Variants in LPP observed in about 807,000 individuals in gnomAD.
LPP encodes lipoma-preferred partner.
LPP carries 38 observed loss-of-function variants against 60.4 expected under a neutral mutation model. That is an observed-to-expected ratio of 0.63 (90% confidence interval 0.49 to 0.83). The LOEUF (loss-of-function observed/expected upper bound fraction) is 0.83, where lower values mean the gene tolerates loss of function less well. Ranked by LOEUF, LPP falls within the 40% of genes least tolerant of loss-of-function variation. The pLI is 0.00. For missense variants in LPP, 902 were observed against 783.6 expected, an observed-to-expected ratio of 1.15 and a Z score of -1.80; for synonymous variants, 328 against 290.8, an observed-to-expected ratio of 1.13 and a Z score of -1.30.
intron 6 of LPP, among the ~76,000 whole-genome samples, chr3:188,582,620 T>C (rs1836515868): frequency 6.6e-6 from 1 of 152,186 alleles, no homozygotes; most frequent in Non-Finnish European, 1.5e-5. Flanking sequence ...TGATATAAAT[T>C]TGTTTCAGTA....
chr3:188,738,199 T>C (rs960801577), intron 8 of LPP, among the ~76,000 whole-genome samples: 1 of 151,776 alleles, frequency 6.6e-6, no homozygotes, highest in African/African-American at 2.4e-5. Context: ...CCCGAAAGTG[T>C]TTTTTTTCAA....
intron 7 of LPP, among the ~76,000 whole-genome samples, chr3:188,691,633 C>G (rs1862147765): frequency 6.6e-6 from 1 of 152,140 alleles, no homozygotes; most frequent in Non-Finnish European, 1.5e-5. Flanking sequence ...GATGATTGCG[C>G]CCACTTGAGG....
intron 4 of LPP, among the ~76,000 whole-genome samples, chr3:188,435,511 TG>T (rs1209034431): frequency 3.3e-5 from 5 of 152,112 alleles, no homozygotes; most frequent in African/African-American, 1.2e-4. Context: ...GTTTCTCTGT[TG>T]GGGGGAGGGG....
At chr3:188,667,537 C>T (rs1856063758) in intron 7 of LPP, among the ~76,000 whole-genome samples, 1 of 151,360 alleles carries the variant, frequency 6.6e-6, no homozygotes, top group Non-Finnish European at 1.5e-5. Flanking sequence ...CAGCTCCCAC[C>T]CCAGCAACTC....
chr3:188,491,598 T>C (rs1808402556), intron 5 of LPP, among the ~76,000 whole-genome samples: 1 of 152,170 alleles, frequency 6.6e-6, no homozygotes, highest in Non-Finnish European at 1.5e-5. Flanking sequence ...AGCAGCAGCT[T>C]GCTTTGCAAT....
intron 4 of LPP, among the ~76,000 whole-genome samples, chr3:188,432,442 T>A (rs1035647250): frequency 6.6e-6 from 1 of 152,156 alleles, no homozygotes; most frequent in East Asian, 1.9e-4. Flanking sequence ...TTAATAGAAA[T>A]CAGAGTATTA....
intron 9 of LPP, among the ~76,000 whole-genome samples, chr3:188,848,016 A>G (rs1006278772): frequency 7.9e-5 from 12 of 152,202 alleles, no homozygotes; most frequent in Non-Finnish European, 1.5e-4. Context: ...CCCTGACGGT[A>G]AGCATCTCCT....
At chr3:188,592,557 G>GTTGTTTTTTTTTTTTTTTTTT (rs1553936334) in intron 6 of LPP, among the ~76,000 whole-genome samples, 2 of 85,754 alleles carry the variant, frequency 2.3e-5, no homozygotes, top group Non-Finnish European at 2.3e-5. Context: ...TTTTGTTTTT[G>GTTGTTTTTTTTTTTTTTTTTT]TTTTTTAAAT....
intron 4 of LPP, among the ~76,000 whole-genome samples, chr3:188,447,975 G>T (rs1795669675): frequency 1.3e-5 from 2 of 152,196 alleles, no homozygotes; most frequent in Admixed American, 1.3e-4. Flanking sequence ...CCACATAGAA[G>T]AGTAGATTGG....
At chr3:188,636,783 C>G (rs1170153382) in intron 7 of LPP, among the ~76,000 whole-genome samples, 4 of 151,890 alleles carry the variant, frequency 2.6e-5, no homozygotes, top group Non-Finnish European at 5.9e-5. Context: ...GGGAGGCACC[C>G]CCCTGCAGGG....
At chr3:188,158,184 C>G (rs76964045) in intron 1 of LPP, among the ~76,000 whole-genome samples, 2,990 of 151,806 alleles carry the variant, frequency 0.02, 46 homozygotes, top group South Asian at 0.034. Flanking sequence ...CCCTGGGCCG[C>G]GATTAGAGGA....
intron 2 of LPP, among the ~76,000 whole-genome samples, chr3:188,238,739 C>T (rs1722782580): frequency 6.6e-6 from 1 of 152,072 alleles, no homozygotes; most frequent in African/African-American, 2.4e-5. Flanking sequence ...GATCACAGAT[C>T]ACCATAATAC....
At chr3:188,355,486 C>T (rs1246511811) in intron 3 of LPP, among the ~76,000 whole-genome samples, 1 of 152,148 alleles carries the variant, frequency 6.6e-6, no homozygotes, top group East Asian at 1.9e-4. Context: ...GAAAGTCCAT[C>T]TGCCTACTTG....
At chr3:188,724,600 A>G (rs1265313132) in intron 8 of LPP, among the ~76,000 whole-genome samples, 1 of 152,082 alleles carries the variant, frequency 6.6e-6, no homozygotes, top group Non-Finnish European at 1.5e-5. Flanking sequence ...ACAAAAGGCG[A>G]TTTCTGACCG....
chr3:188,652,156 C>T (rs963343342), intron 7 of LPP, among the ~76,000 whole-genome samples: 4 of 152,116 alleles, frequency 2.6e-5, no homozygotes, highest in South Asian at 4.1e-4. Flanking sequence ...TTGAATTTTC[C>T]TGCACTGGAG....
At chr3:188,472,560 T>G (rs1374322815) in intron 4 of LPP, 1 of 152,152 alleles carries the variant, frequency 6.6e-6, no homozygotes, top group African/African-American at 2.4e-5. Context: ...GTAACAAGAA[T>G]TTCTCAGTGA....
At chr3:188,285,758 A>G (rs1236095965) in intron 2 of LPP, among the ~76,000 whole-genome samples, 1 of 152,120 alleles carries the variant, frequency 6.6e-6, no homozygotes, top group African/African-American at 2.4e-5. Context: ...TCCCTCCCAC[A>G]ACCCCCAACA....
chr3:188,229,569 G>A (rs940789774), intron 2 of LPP, among the ~76,000 whole-genome samples: 1 of 152,144 alleles, frequency 6.6e-6, no homozygotes, highest in African/African-American at 2.4e-5. Flanking sequence ...TATGTTATTT[G>A]CTTCAAAAAT....
intron 2 of LPP, among the ~76,000 whole-genome samples, chr3:188,253,901 A>G (rs1300105616): frequency 6.6e-6 from 1 of 152,082 alleles, no homozygotes; most frequent in African/African-American, 2.4e-5. Context: ...TCCTCGCCGC[A>G]TGGTAATTAC....
Sources: gnomAD v4.1 joint callset for allele counts (sites outside exome capture counted in the v4.1 genomes callset) on GRCh38, gnomAD v4.1.1 for gene constraint, MANE v1.5 for transcripts, NCBI Gene and HGNC (gene_info 2026-07-23, HGNC 2026-07-21) for gene names.